The following SH3KBP1 variants were observed in gnomAD, a reference collection of about 807,000 sequenced individuals.
SH3KBP1 encodes the protein SH3 domain-containing kinase-binding protein 1.
SH3KBP1 carries 8 observed loss-of-function variants against 50.1 expected under a neutral mutation model. The ratio of observed to expected loss-of-function variants is 0.16; its 90% CI spans 0.09 to 0.29. The LOEUF (loss-of-function observed/expected upper bound fraction) is 0.29, where lower values mean the gene tolerates loss of function less well. Among genes scored for constraint, SH3KBP1 ranks in the 10% least tolerant of loss-of-function variants. The pLI is 1.00. For missense variants in SH3KBP1, 377 were observed against 535.2 expected (o/e 0.70, Z 2.92); for synonymous variants, 227 against 218.6 (o/e 1.04, Z -0.34).
intron 9 of SH3KBP1, among the ~76,000 whole-genome samples, chrX:19,604,734 G>A (rs1426348161): frequency 1.8e-5 from 2 of 111,982 alleles, no homozygotes; most frequent in Non-Finnish European, 1.9e-5. Context: ...TACTCTGGGT[G>A]CAGCAATAAA....
chrX:19,589,503 C>T (rs1347628498), intron 11 of SH3KBP1, among the ~76,000 whole-genome samples: 1 of 111,977 alleles, frequency 8.9e-6, no homozygotes, highest in East Asian at 2.8e-4. Context: ...CAAACTAGGA[C>T]TTCACAGGTA....
In SH3KBP1 at chrX:19,746,438, T is replaced by C; in HGVS notation, c.166A>G (p.Ile56Val). Residue 56 changes from isoleucine (I) to valine (V), a missense_variant, in exon 3 of 18, where the codon ATA (isoleucine) becomes GTA (valine). Around this residue, in one of 3 missense-constraint regions of SH3KBP1, gnomAD observed 257 missense variants for 374.2 expected, o/e 0.69. Coordinates refer to ENST00000397821, the MANE Select transcript of SH3KBP1 (RefSeq NM_031892.3). ...GGGTCTTTCTTCATCTCTTTCTTTA[T>C]TTCCTGTGAGGACAGATAAAAGGAA... is the stretch of plus-strand genomic sequence containing the variant. ...GLFPDNFVRE[I>V]KKEMKKDPLT... The C allele has an allele frequency of 8.3e-7, 1 of 1,202,530 alleles. No homozygotes were observed. The highest frequency in any genetic ancestry group is 1.1e-6 in the Non-Finnish European group (1 of 892,020).
At chrX:19,843,853 T>C (rs1010768754) in intron 1 of SH3KBP1, among the ~76,000 whole-genome samples, 1 of 111,367 alleles carries the variant, frequency 9.0e-6, no homozygotes. Context: ...AGGCCCACCA[T>C]TGCCTGCCTC....
At chrX:19,572,051 A>G (rs2066025161) in intron 12 of SH3KBP1, among the ~76,000 whole-genome samples, 1 of 110,673 alleles carries the variant, frequency 9.0e-6, no homozygotes, top group South Asian at 3.7e-4. Context: ...GCGATTTGAC[A>G]GCTGGAAGCT....
intron 9 of SH3KBP1, among the ~76,000 whole-genome samples, chrX:19,596,937 G>A (rs1291803031): frequency 9.0e-6 from 1 of 111,413 alleles, no homozygotes; most frequent in Non-Finnish European, 1.9e-5. Flanking sequence ...ATCCCTGAGG[G>A]TTGGAATCAA....
chrX:19,560,300 A>T (rs916320054), intron 13 of SH3KBP1, among the ~76,000 whole-genome samples: 2 of 111,327 alleles, frequency 1.8e-5, no homozygotes, highest in African/African-American at 6.5e-5. Flanking sequence ...AACTAAAGAA[A>T]ATGAAGTAAA....
At chrX:19,740,365 A>G (rs1168836704) in intron 3 of SH3KBP1, among the ~76,000 whole-genome samples, 2 of 112,252 alleles carry the variant, frequency 1.8e-5, no homozygotes, top group Non-Finnish European at 3.8e-5. Flanking sequence ...ACAGACGTAT[A>G]TATTACTGAA....
chrX:19,847,054 A>C (rs1380248256), intron 1 of SH3KBP1, among the ~76,000 whole-genome samples: 1 of 111,718 alleles, frequency 9.0e-6, no homozygotes, highest in African/African-American at 3.3e-5. Context: ...TCCACAGAAA[A>C]ATGTGGTTGG....
chrX:19,604,646 A>G (rs1293114175), intron 9 of SH3KBP1, among the ~76,000 whole-genome samples: 4 of 111,549 alleles, frequency 3.6e-5, no homozygotes, highest in Non-Finnish European at 5.6e-5. Context: ...CTTCGTGTTA[A>G]TGATTCTAAT....
At chrX:19,783,657 T>G (rs759966009) in intron 2 of SH3KBP1, among the ~76,000 whole-genome samples, 1 of 111,524 alleles carries the variant, frequency 9.0e-6, no homozygotes, top group African/African-American at 3.3e-5. Context: ...CCCTAGAGTT[T>G]GAACGGATCT....
chrX:19,726,209 G>C (rs1426074314), intron 3 of SH3KBP1, among the ~76,000 whole-genome samples: 1 of 111,957 alleles, frequency 8.9e-6, no homozygotes, highest in Non-Finnish European at 1.9e-5. Flanking sequence ...TGTTTCCATA[G>C]GTGGTAATCC....
At chrX:19,617,385 T>G (rs1401031280) in intron 8 of SH3KBP1, among the ~76,000 whole-genome samples, 4 of 112,482 alleles carry the variant, frequency 3.6e-5, no homozygotes, top group Admixed American at 1.9e-4. Context: ...TCAAAAAGAT[T>G]GTTTCTTCAT....
chrX:19,534,829 A>C lies in SH3KBP1; in HGVS notation c.*1588T>G, dbSNP rs765394703. ...GTAGCAAGGATGAGCACATAGGTTA[A>C]GAGGAAGGCAGGGGGAGGAAGGGAG... On this transcript the variant is annotated 3_prime_UTR_variant, in exon 18 of 18. Transcript: ENST00000397821. The C allele has an allele frequency of 6.8e-6, 2 of 296,102 alleles. No homozygotes were observed. Among genetic ancestry groups the C allele is most frequent in the Non-Finnish European group, 1.2e-5 (2 of 170,120 alleles). 24.4% of individuals were successfully genotyped at this position (296,102 alleles called of 1,213,427 possible).
rs911657514 is a variant in SH3KBP1 at position 19,867,001 on chromosome X, C to T, written c.4+20306G>A. On this transcript the variant is annotated intron_variant, in intron 1 of 17. Transcript: ENST00000397821. ...CTCGAGCAGAAGTCAATATGCGATCCCATTAAATTTCTGAACTGGTTGGGG... is the reference window on the plus strand; with the variant it reads ...CTCGAGCAGAAGTCAATATGCGATCTCATTAAATTTCTGAACTGGTTGGGG... Among the ~76,000 whole-genome samples the T allele has an allele frequency of 2.7e-5, 3 of 111,080 alleles. No homozygotes were observed. The East Asian group carries it at 8.4e-4, about 31-fold the overall frequency.
At chrX:19,759,356 G>C (rs772147966) in intron 2 of SH3KBP1, among the ~76,000 whole-genome samples, 27 of 111,388 alleles carry the variant, frequency 2.4e-4, no homozygotes, top group Non-Finnish European at 3.4e-4. Context: ...AAAACAGGAG[G>C]GACAAGGAAA....
intron 13 of SH3KBP1, among the ~76,000 whole-genome samples, chrX:19,560,126 TA>T (rs372267050): frequency 0.024 from 2,305 of 97,351 alleles, 67 homozygotes; most frequent in African/African-American, 0.078. Context: ...TCACTAAAAA[TA>T]AAAAAAAAAA....
At chrX:19,648,937 A>C (rs777908899) in intron 6 of SH3KBP1, among the ~76,000 whole-genome samples, 1 of 111,828 alleles carries the variant, frequency 8.9e-6, no homozygotes, top group African/African-American at 3.2e-5. Context: ...AATGAATAGA[A>C]TCCCAAATTT....
intron 5 of SH3KBP1, among the ~76,000 whole-genome samples, chrX:19,692,703 T>TTTTAA (rs2063327098): frequency 9.9e-6 from 1 of 101,140 alleles, no homozygotes; most frequent in African/African-American, 3.7e-5. Context: ...TTTTTTTTTT[T>TTTTAA]TAATAGTCTC....
At chrX:19,860,028 G>A (rs961424900) in intron 1 of SH3KBP1, among the ~76,000 whole-genome samples, 1 of 111,143 alleles carries the variant, frequency 9.0e-6, no homozygotes, top group Non-Finnish European at 1.9e-5. Context: ...TAGCCAAAAG[G>A]TAGAAACAAC....
Sources: allele counts gnomAD v4.1 joint callset (sites outside exome capture counted in the v4.1 genomes callset), GRCh38; gene constraint gnomAD v4.1.1; regional missense constraint gnomAD v4.1.1; transcripts MANE v1.5; gene names NCBI Gene and HGNC (gene_info 2026-07-23, HGNC 2026-07-21).